FAM177B: variants seen among roughly 807,000 people sequenced by gnomAD.
The protein encoded by FAM177B is protein FAM177B.
A neutral mutation model predicts 16.1 loss-of-function variants in FAM177B; 16 were observed. The observed-to-expected ratio is 0.99, with a 90% CI of 0.67 to 1.51. The LOEUF is 1.51. FAM177B is among the 40% of genes most tolerant of loss of function. FAM177B has a pLI of 0.00. For synonymous variants in FAM177B, 56 were observed against 59.9 expected (o/e 0.93, Z 0.30); for missense variants, 178 against 183.7 (o/e 0.97, Z 0.18).
Position 222,746,844 on chromosome 1 carries a change from T to C in FAM177B, c.174+125T>C, listed in dbSNP as rs368688839. ...TAAGTCCTTGGTCTCCTTTTTTGCT[T>C]TCTAAATCCATGCATAGGCAACTTA... On this transcript the variant is annotated intron_variant, in intron 3 of 5. Coordinates refer to ENST00000445590, the MANE Select transcript of FAM177B (RefSeq NM_001394345.1). 781 of 1,011,070 alleles carry C rather than the reference T, an allele frequency of 7.7e-4. 6 individuals are homozygous for C. The South Asian group carries it at 0.012, about 16-fold the overall frequency. 62.6% of individuals were successfully genotyped at this position (1,011,070 alleles called of 1,614,324 possible).
rs71175182 is a variant in FAM177B at position 222,738,564 on chromosome 1, C to CAAAAAAAAAAAAAAAAAAAAAAA, written c.-16+560_-16+561insAAAAAAAAAAAAAAAAAAAAAAA. Among the ~76,000 whole-genome samples the CAAAAAAAAAAAAAAAAAAAAAAA allele has an allele frequency of 3.2e-5, 2 of 61,846 alleles. 1 individual carries two copies. Among genetic ancestry groups the CAAAAAAAAAAAAAAAAAAAAAAA allele is most frequent in the African/African-American group, 1.4e-4 (2 of 14,754 alleles). 40.6% of individuals were successfully genotyped at this position (61,846 alleles called of 152,430 possible). A position where few individuals can be genotyped will look rare whatever the true frequency, so the allele number is the denominator to read the frequency against. On this transcript the variant is annotated intron_variant, in intron 2 of 5. Coordinates refer to ENST00000445590, the MANE Select transcript of FAM177B (RefSeq NM_001394345.1). ...GGAGACTCCGTCTCTACAAAAACTG[C>CAAAAAAAAAAAAAAAAAAAAAAA]AAAAAAAAAAAAAAAAAGGCTGGGC...
intron 2 of FAM177B, among the ~76,000 whole-genome samples, chr1:222,743,327 G>GTT (rs753007006): frequency 2.8e-5 from 4 of 142,926 alleles, no homozygotes; most frequent in Admixed American, 7.0e-5. Flanking sequence ...TTTGTGTTTT[G>GTT]TTTTTTTTTT....
intron 2 of FAM177B, among the ~76,000 whole-genome samples, chr1:222,743,898 C>A (rs1026838788): frequency 6.6e-6 from 1 of 152,020 alleles, no homozygotes; most frequent in Non-Finnish European, 1.5e-5. Context: ...TGGTTCTGAA[C>A]CCCCCAGCAA....
chr1:222,747,428 C>T (rs371924929), intron 4 of FAM177B: 43 of 189,800 alleles, frequency 2.3e-4, no homozygotes, highest in Non-Finnish European at 4.1e-4. Context: ...GTTGACTCTT[C>T]TTCTGAATAA....
intron 2 of FAM177B, among the ~76,000 whole-genome samples, chr1:222,744,603 C>A (rs1256926464): frequency 6.6e-6 from 1 of 152,048 alleles, no homozygotes; most frequent in Non-Finnish European, 1.5e-5. Context: ...ACACCATTTG[C>A]TAAGAATTGT....
chr1:222,746,962 G>T, intron 3 of FAM177B, 53 bp from the exon 4 acceptor site: 3 of 1,180,472 alleles, frequency 2.5e-6, no homozygotes, highest in Non-Finnish European at 3.8e-6. Flanking sequence ...AAACAAATCT[G>T]CAGTCACCAT....
At chr1:222,749,008 C>T (rs779054588) in intron 4 of FAM177B, 4 of 471,930 alleles carry the variant, frequency 8.5e-6, no homozygotes, top group Non-Finnish European at 1.8e-5. Context: ...AAAGGAAGGC[C>T]TTAAACAACT....
At chr1:222,741,057 CTTTTTTTTT>C (rs369907456) in intron 2 of FAM177B, among the ~76,000 whole-genome samples, 79 of 82,190 alleles carry the variant, frequency 9.6e-4, no homozygotes, top group African/African-American at 3.6e-3. Flanking sequence ...TTTTTGTTTT[CTTTTTTTTT>C]TTTTTTTTTT....
chr1:222,749,581 G>A lies in FAM177B; in HGVS notation c.339+19G>A. The A allele has an allele frequency of 1.4e-6, 2 of 1,399,386 alleles. No individual in the cohort carries two copies. Among genetic ancestry groups the A allele is most frequent in the Non-Finnish European group, 1.0e-6 (1 of 996,904 alleles). 86.7% of individuals were successfully genotyped at this position (1,399,386 alleles called of 1,614,324 possible). On this transcript the variant is annotated intron_variant, in intron 5 of 5. Transcript: ENST00000445590. The stretch of plus-strand genomic sequence containing the variant: ...AAACAAGGTATGTGACACTCTGATG[G>A]AAACAAGGGGCCTGAGATGGGAATA...
chr1:222,741,930 CTT>C (rs397982979), intron 2 of FAM177B, among the ~76,000 whole-genome samples: 121 of 73,540 alleles, frequency 1.6e-3, no homozygotes, highest in African/African-American at 5.0e-3. Flanking sequence ...CTCTCTCTCT[CTT>C]TCTTTCTTTC....
At chr1:222,741,886 TTCCCTCCC>T (rs1407384271) in intron 2 of FAM177B, among the ~76,000 whole-genome samples, 2 of 110,476 alleles carry the variant, frequency 1.8e-5, no homozygotes, top group Non-Finnish European at 3.8e-5. Flanking sequence ...TCTTCCTTCC[TTCCCTCCC>T]TCCCTCCCTC....
rs756926579 is a variant in FAM177B at position 222,749,494 on chromosome 1, G to C, written c.271G>C (p.Val91Leu). The change falls in exon 5 of 6, where the codon GTC (valine) becomes CTC (leucine). Residue 91 changes from valine to leucine, a missense_variant. Coordinates refer to ENST00000445590, the MANE Select transcript of FAM177B (RefSeq NM_001394345.1). ...TCEFLGGRFAVFFGLTQPKYQ... is the reference protein window; with the variant it reads ...TCEFLGGRFALFFGLTQPKYQ... Reference sequence around the variant, plus strand: ...TGAATTCCTTGGTGGAAGATTTGCTGTCTTCTTTGGTCTTACTCAACCCAA... The same window carrying C: ...TGAATTCCTTGGTGGAAGATTTGCTCTCTTCTTTGGTCTTACTCAACCCAA... 4 of 1,609,878 alleles carry C rather than the reference G, an allele frequency of 2.5e-6. No homozygotes were observed. The highest frequency in any genetic ancestry group is 1.1e-5 in the South Asian group (1 of 90,484).
intron 2 of FAM177B, among the ~76,000 whole-genome samples, chr1:222,745,511 G>C (rs1363343847): frequency 1.3e-5 from 2 of 152,202 alleles, no homozygotes; most frequent in African/African-American, 4.8e-5. Context: ...CAGCTACTCA[G>C]GTGGTTGAGG....
intron 5 of FAM177B, 137 bp from the exon 6 acceptor site, chr1:222,749,784 G>T: frequency 1.0e-6 from 1 of 956,110 alleles, no homozygotes; most frequent in Non-Finnish European, 1.6e-6. Context: ...GAGCTGTGTT[G>T]TAGAAGAAGG....
rs972510491 is a variant in FAM177B, at chr1:222,750,113, A to C, written c.*55A>C. 1.9e-6 allele frequency: 3 copies of C among 1,587,280 alleles called. No homozygotes were observed. The highest frequency in any genetic ancestry group is 2.6e-6 in the Non-Finnish European group (3 of 1,169,652). On this transcript the variant is annotated 3_prime_UTR_variant, in exon 6 of 6. Transcript: ENST00000445590. ...AGATCCTAGCTCATGATGGCAGCAAAGACTGCAGTTTCCCTGGATCTGTTC... is the reference window on the plus strand; with the variant it reads ...AGATCCTAGCTCATGATGGCAGCAACGACTGCAGTTTCCCTGGATCTGTTC...
chr1:222,737,610 A>G (rs1174549095), intron 1 of FAM177B, among the ~76,000 whole-genome samples: 1 of 152,216 alleles, frequency 6.6e-6, no homozygotes, highest in African/African-American at 2.4e-5. Context: ...GGCGTCAGAA[A>G]GCTCGTAGGG....
intron 2 of FAM177B, among the ~76,000 whole-genome samples, chr1:222,740,111 AC>A (rs1658456741): frequency 6.6e-6 from 1 of 152,186 alleles, no homozygotes; most frequent in Admixed American, 6.5e-5. Context: ...CAGGGCAGAT[AC>A]CACATCACCT....
intron 2 of FAM177B, among the ~76,000 whole-genome samples, chr1:222,740,346 A>G (rs952946621): frequency 3.3e-5 from 5 of 152,202 alleles, no homozygotes; most frequent in Admixed American, 1.3e-4. Context: ...TGGATGACTG[A>G]CAGTCCATTT....
Position 222,747,194 on chromosome 1 carries a change from A to T in FAM177B, c.241+113A>T, listed in dbSNP as rs1658840866. ...AAGCCACTCCATCGCATCCTGAATA[A>T]GTGAGATCTGGGCTAAGCTTTCATT... On this transcript the variant is annotated intron_variant, in intron 4 of 5. Coordinates refer to ENST00000445590, the MANE Select transcript of FAM177B (RefSeq NM_001394345.1). The T allele has an allele frequency of 1.3e-5, 10 of 757,254 alleles. No individual in the cohort carries two copies. In the South Asian group the frequency reaches 1.5e-4, roughly 11 times the overall value. 46.9% of individuals were successfully genotyped at this position (757,254 alleles called of 1,614,324 possible). A position where few individuals can be genotyped will look rare whatever the true frequency, so the allele number is the denominator to read the frequency against.
Sources: gnomAD v4.1 joint callset for allele counts (sites outside exome capture counted in the v4.1 genomes callset) on GRCh38, gnomAD v4.1.1 for gene constraint, MANE v1.5 for transcripts, NCBI Gene and HGNC (gene_info 2026-07-23, HGNC 2026-07-21) for gene names.